CACNA2D3: variants seen among roughly 807,000 people sequenced by gnomAD.
The protein encoded by CACNA2D3 is voltage-dependent calcium channel subunit alpha-2/delta-3.
A neutral mutation model predicts 160.6 loss-of-function variants in CACNA2D3; 60 were observed. The observed-to-expected ratio is 0.37, with a 90% CI of 0.30 to 0.46. The LOEUF (loss-of-function observed/expected upper bound fraction) is 0.46. Among genes scored for constraint, CACNA2D3 ranks in the 20% least tolerant of loss-of-function variants. The pLI is 1.00. For synonymous variants in CACNA2D3, 558 were observed against 492.9 expected, an observed-to-expected ratio of 1.13 and a Z score of -1.75; for missense variants, 1,205 against 1,365.0, an observed-to-expected ratio of 0.88 and a Z score of 1.85.
At position 54,340,891 on chromosome 3, in the gene CACNA2D3, C is replaced by T. The variant is rs540209956; in HGVS notation, c.321+20333C>T. ...CTAATCAGAGGGTCCCCACACTCCT[C>T]ACCACAGAGGTATGAGGTCAGAGCT... On this transcript the variant is annotated intron_variant, in intron 3 of 37. Coordinates refer to ENST00000474759, the MANE Select transcript of CACNA2D3 (RefSeq NM_018398.3). Among the ~76,000 whole-genome samples, 5 of 152,336 alleles carry T rather than the reference C, an allele frequency of 3.3e-5. No homozygotes were observed. The East Asian group carries it at 9.6e-4, about 29-fold the overall frequency.
intron 17 of CACNA2D3, among the ~76,000 whole-genome samples, chr3:54,858,971 A>G (rs1280248616): frequency 6.6e-6 from 1 of 152,218 alleles, no homozygotes; most frequent in East Asian, 1.9e-4. Context: ...TATATTTAAA[A>G]GATAATTAGA....
chr3:54,865,772 G>A (rs1699388375), intron 17 of CACNA2D3, among the ~76,000 whole-genome samples: 1 of 152,206 alleles, frequency 6.6e-6, no homozygotes, highest in African/African-American at 2.4e-5. Flanking sequence ...ATCAGCCATT[G>A]GTACTGGCCA....
At chr3:54,693,798 A>G (rs1328164819) in intron 11 of CACNA2D3, among the ~76,000 whole-genome samples, 1 of 152,170 alleles carries the variant, frequency 6.6e-6, no homozygotes, top group African/African-American at 2.4e-5. Flanking sequence ...AAAGTAAAAT[A>G]AAAAAATTAA....
At chr3:54,325,101 G>A (rs1175074827) in intron 3 of CACNA2D3, among the ~76,000 whole-genome samples, 1 of 149,454 alleles carries the variant, frequency 6.7e-6, no homozygotes, top group African/African-American at 2.6e-5. Flanking sequence ...CAGCCCTTCA[G>A]GGGGAGTAGC....
In CACNA2D3 at chr3:54,695,420, G is replaced by A. The variant is rs147299975; in HGVS notation, c.1167+53179G>A. Among the ~76,000 whole-genome samples the A allele has an allele frequency of 1.7e-4, 24 of 137,808 alleles. No individual in the cohort carries two copies. In the East Asian group the frequency reaches 2.8e-3, roughly 16 times the overall value. 90.4% of individuals were successfully genotyped at this position (137,808 alleles called of 152,430 possible). A position where few individuals can be genotyped will look rare whatever the true frequency, so the allele number is the denominator to read the frequency against. On this transcript the variant is annotated intron_variant, in intron 11 of 37. Transcript: ENST00000474759. ...TTTTTTTTTTTAAACCATCATCTTT[G>A]TGCATATCACAAGTTGTTTCTAGGA...
chr3:54,727,609 G>A (rs1701302927), intron 11 of CACNA2D3, among the ~76,000 whole-genome samples: 1 of 152,172 alleles, frequency 6.6e-6, no homozygotes, highest in African/African-American at 2.4e-5. Flanking sequence ...CCTTTGCAGG[G>A]ACATGGATGA....
chr3:55,071,948 G>A (rs2107234771), intron 35 of CACNA2D3, among the ~76,000 whole-genome samples: 1 of 152,330 alleles, frequency 6.6e-6, no homozygotes, highest in East Asian at 1.9e-4. Flanking sequence ...TCTGATGAGA[G>A]CTAGCTATCT....
At chr3:54,838,510 C>G in intron 15 of CACNA2D3, 58 bp from the exon 16 acceptor site, 1 of 1,354,678 alleles carries the variant, frequency 7.4e-7, no homozygotes, top group Non-Finnish European at 1.1e-6. Flanking sequence ...TCGTGAGATT[C>G]TATTTCTTTT....
At chr3:54,162,856 A>G (rs1019195957) in intron 2 of CACNA2D3, among the ~76,000 whole-genome samples, 2 of 152,192 alleles carry the variant, frequency 1.3e-5, no homozygotes, top group Non-Finnish European at 2.9e-5. Context: ...TGGATGAGGA[A>G]CAATGAAATT....
chr3:54,897,691 C>T (rs1246037835), intron 26 of CACNA2D3, among the ~76,000 whole-genome samples: 1 of 152,188 alleles, frequency 6.6e-6, no homozygotes, highest in Admixed American at 6.5e-5. Context: ...ATTCCTAACT[C>T]AATCCTAAGG....
intron 2 of CACNA2D3, among the ~76,000 whole-genome samples, chr3:54,225,511 T>C (rs956241285): frequency 6.6e-6 from 1 of 152,216 alleles, no homozygotes; most frequent in South Asian, 2.1e-4. Context: ...TTTTATTGTG[T>C]GTTAATCTGA....
intron 8 of CACNA2D3, among the ~76,000 whole-genome samples, chr3:54,571,322 G>A (rs1044221211): frequency 1.3e-5 from 2 of 152,092 alleles, no homozygotes; most frequent in Non-Finnish European, 2.9e-5. Flanking sequence ...TGTTCATGCC[G>A]GAGAGGTGTA....
At chr3:54,805,075 A>G (rs1042314081) in intron 13 of CACNA2D3, among the ~76,000 whole-genome samples, 2 of 152,250 alleles carry the variant, frequency 1.3e-5, no homozygotes, top group African/African-American at 4.8e-5. Context: ...AATTTATAGC[A>G]CTAAATGCCC....
chr3:54,471,877 A>C (rs1436145884), intron 4 of CACNA2D3, among the ~76,000 whole-genome samples: 1 of 152,218 alleles, frequency 6.6e-6, no homozygotes, highest in Non-Finnish European at 1.5e-5. Context: ...TAAACAGAGT[A>C]GTAACAAGTT....
At chr3:54,788,930 A>T (rs1702691892) in intron 13 of CACNA2D3, among the ~76,000 whole-genome samples, 1 of 152,144 alleles carries the variant, frequency 6.6e-6, no homozygotes, top group Non-Finnish European at 1.5e-5. Context: ...TATGTAGGAG[A>T]CATTTAATAA....
At chr3:54,929,094 A>G (rs1026277298) in intron 27 of CACNA2D3, among the ~76,000 whole-genome samples, 1 of 152,136 alleles carries the variant, frequency 6.6e-6, no homozygotes, top group Non-Finnish European at 1.5e-5. Context: ...TAATTGAGCC[A>G]TTGGGTTTGG....
At chr3:54,688,516 C>T (rs981854220) in intron 11 of CACNA2D3, among the ~76,000 whole-genome samples, 3 of 151,690 alleles carry the variant, frequency 2.0e-5, no homozygotes, top group Admixed American at 6.6e-5. Flanking sequence ...GGTTTCTATT[C>T]GCATCCTTTC....
At chr3:54,637,364 A>G (rs948606880) in intron 10 of CACNA2D3, among the ~76,000 whole-genome samples, 2 of 151,818 alleles carry the variant, frequency 1.3e-5, no homozygotes, top group African/African-American at 4.9e-5. Flanking sequence ...AGGAGGACGC[A>G]AAGGAGGCTT....
intron 15 of CACNA2D3, 57 bp downstream of exon 15, chr3:54,837,287 C>T: frequency 7.5e-7 from 1 of 1,325,140 alleles, no homozygotes; most frequent in South Asian, 1.2e-5. Flanking sequence ...TTCTCAGACC[C>T]CCTCTGACTC....
Sources: allele counts gnomAD v4.1 joint callset (sites outside exome capture counted in the v4.1 genomes callset), GRCh38; gene constraint gnomAD v4.1.1; transcripts MANE v1.5; gene names NCBI Gene and HGNC (gene_info 2026-07-23, HGNC 2026-07-21).